Variants in SUMF1 observed in about 807,000 individuals in gnomAD.
SUMF1 encodes the protein sulfatase modifying factor 1.
SUMF1 carries 48 observed loss-of-function variants against 47.6 expected under a neutral mutation model. The ratio of observed to expected loss-of-function variants is 1.01; its 90% CI spans 0.80 to 1.28. SUMF1 has a LOEUF of 1.28. SUMF1 is among the 50% of genes most tolerant of loss of function. The probability of loss-of-function intolerance (pLI) is 0.00; values close to 1 mark genes in which losing one functional copy is unlikely to be tolerated. For synonymous variants in SUMF1, 230 were observed against 192.1 expected, an observed-to-expected ratio of 1.20 and a Z score of -1.63; for missense variants, 571 against 485.4, an observed-to-expected ratio of 1.18 and a Z score of -1.66.
intron 7 of SUMF1, among the ~76,000 whole-genome samples, chr3:4,391,979 C>T (rs957701308): frequency 3.3e-5 from 5 of 152,058 alleles, no homozygotes; most frequent in Non-Finnish European, 7.4e-5. Flanking sequence ...CAGATGTGCA[C>T]CACCATACCT....
intron 8 of SUMF1, among the ~76,000 whole-genome samples, chr3:4,336,558 G>A (rs146438417): frequency 1.3e-5 from 2 of 152,312 alleles, no homozygotes; most frequent in East Asian, 3.9e-4. Context: ...GGCATAGTGA[G>A]TTTGAGGTCC....
intron 8 of SUMF1, among the ~76,000 whole-genome samples, chr3:4,102,864 G>T (rs529192489): frequency 1.3e-5 from 2 of 151,668 alleles, no homozygotes; most frequent in South Asian, 4.2e-4. Context: ...ACAGGGAGAA[G>T]AAGAGAGAGG....
chr3:4,304,613 A>G (rs1698108666), intron 8 of SUMF1, among the ~76,000 whole-genome samples: 1 of 152,228 alleles, frequency 6.6e-6, no homozygotes, highest in Non-Finnish European at 1.5e-5. Context: ...CTGCAAAATG[A>G]AAATAATAAT....
chr3:4,290,388 A>C (rs866786267), intron 8 of SUMF1, among the ~76,000 whole-genome samples: 2 of 152,258 alleles, frequency 1.3e-5, no homozygotes, highest in Non-Finnish European at 2.9e-5. Context: ...CAACAGAGTA[A>C]AAACTTCTTG....
intron 8 of SUMF1, among the ~76,000 whole-genome samples, chr3:4,176,220 C>G (rs574386554): frequency 3.8e-4 from 58 of 152,100 alleles, no homozygotes; most frequent in African/African-American, 1.2e-3. Flanking sequence ...AAGAGCAACC[C>G]CAAGACACAT....
chr3:4,313,013 G>C (rs6801634), intron 8 of SUMF1: 1 of 1,613,454 alleles, frequency 6.2e-7, no homozygotes, highest in Non-Finnish European at 8.5e-7. Context: ...TCCTGTCTCC[G>C]CCATGGAGAG....
At chr3:4,041,902 G>A (rs976446706) in intron 9 of SUMF1, among the ~76,000 whole-genome samples, 7 of 152,100 alleles carry the variant, frequency 4.6e-5, no homozygotes, top group Non-Finnish European at 1.0e-4. Context: ...AATCCCGGGT[G>A]CTGTTCTTCC....
chr3:4,215,948 G>GATT (rs1695913570), intron 8 of SUMF1, among the ~76,000 whole-genome samples: 1 of 152,092 alleles, frequency 6.6e-6, no homozygotes. Flanking sequence ...TCAATACTGT[G>GATT]ACAATGGTCA....
At chr3:4,174,287 C>T (rs898771240) in intron 8 of SUMF1, among the ~76,000 whole-genome samples, 24 of 143,498 alleles carry the variant, frequency 1.7e-4, no homozygotes, top group Admixed American at 2.3e-4. Context: ...CCCCAGGAGG[C>T]GGAGCTTGCA....
At chr3:4,168,284 A>G (rs1383362489) in intron 8 of SUMF1, among the ~76,000 whole-genome samples, 1 of 152,174 alleles carries the variant, frequency 6.6e-6, no homozygotes, top group Non-Finnish European at 1.5e-5. Flanking sequence ...CCAAAAACAT[A>G]TGCAAAATTT....
At chr3:4,133,743 T>C (rs1306037000) in intron 8 of SUMF1, among the ~76,000 whole-genome samples, 1 of 152,108 alleles carries the variant, frequency 6.6e-6, no homozygotes, top group African/African-American at 2.4e-5. Flanking sequence ...TTCCTCAGCC[T>C]CCAGATGGCC....
chr3:4,461,054 G>A (rs1325817804), intron 1 of SUMF1, among the ~76,000 whole-genome samples: 1 of 152,126 alleles, frequency 6.6e-6, no homozygotes, highest in East Asian at 1.9e-4. Context: ...GCCTAGCATG[G>A]TGCATGGTCC....
At chr3:4,382,588 A>C (rs1354124289) in intron 7 of SUMF1, among the ~76,000 whole-genome samples, 1 of 152,246 alleles carries the variant, frequency 6.6e-6, no homozygotes, top group Non-Finnish European at 1.5e-5. Context: ...CCAAAGGATT[A>C]TAAATCATTC....
chr3:4,217,444 C>A (rs1204794569), intron 8 of SUMF1, among the ~76,000 whole-genome samples: 1 of 138,534 alleles, frequency 7.2e-6, no homozygotes, highest in South Asian at 2.4e-4. Context: ...AGCAAACCAC[C>A]ATGGCACATG....
chr3:4,247,356 T>C (rs1222238090), intron 8 of SUMF1, among the ~76,000 whole-genome samples: 1 of 152,214 alleles, frequency 6.6e-6, no homozygotes, highest in African/African-American at 2.4e-5. Context: ...AATTCAACTC[T>C]GTGCTACAGT....
chr3:4,359,194 T>A (rs144201776), downstream of SUMF1, among the ~76,000 whole-genome samples: 289 of 152,342 alleles, frequency 1.9e-3, no homozygotes, highest in Non-Finnish European at 3.0e-3. Flanking sequence ...GTGTAGTGAC[T>A]ATAGCTATCC....
chr3:4,445,433 G>C (rs1365308707), intron 3 of SUMF1, among the ~76,000 whole-genome samples: 3 of 152,128 alleles, frequency 2.0e-5, no homozygotes, highest in African/African-American at 7.2e-5. Context: ...GAACTCCTGG[G>C]CTCAAGTGAT....
chr3:4,226,495 C>T (rs1362546991), intron 8 of SUMF1, among the ~76,000 whole-genome samples: 1 of 151,884 alleles, frequency 6.6e-6, no homozygotes, highest in East Asian at 1.9e-4. Flanking sequence ...TTCTCGATCC[C>T]TTGACCTCAT....
chr3:4,314,150 T>C (rs1355264306), intron 8 of SUMF1: 2 of 245,184 alleles, frequency 8.2e-6, no homozygotes, highest in African/African-American at 2.2e-5. Flanking sequence ...AGCCATTGCA[T>C]AGAAAAATCA....
Sources: gnomAD v4.1 joint callset for allele counts (sites outside exome capture counted in the v4.1 genomes callset) on GRCh38, gnomAD v4.1.1 for gene constraint, MANE v1.5 for transcripts, NCBI Gene and HGNC (gene_info 2026-07-23, HGNC 2026-07-21) for gene names.